Variants in SERPINB2 observed in about 807,000 individuals in gnomAD.
The protein encoded by SERPINB2 is serpin family B member 2.
In SERPINB2, 28 loss-of-function variants were observed where a neutral mutation model predicts 39.4. That is an observed-to-expected ratio of 0.71 (90% CI 0.53 to 0.97). SERPINB2 has a LOEUF of 0.97. SERPINB2 is among the 50% of genes least tolerant of loss of function. The probability of loss-of-function intolerance (pLI) is 0.00; values close to 1 mark genes in which losing one functional copy is unlikely to be tolerated. For missense variants in SERPINB2, 557 were observed against 505.3 expected (o/e 1.10, Z -0.98); for synonymous variants, 209 against 175.1 (o/e 1.19, Z -1.53).
In SERPINB2 at chr18:63,897,761, C is replaced by G. The variant is rs147169778; in HGVS notation, c.452C>G (p.Ser151Ter). The change falls in exon 5 of 8, where the codon TCA becomes TGA. Residue 151 changes from serine to a stop codon, truncating the protein, a stop_gained. Coordinates refer to ENST00000299502, the MANE Select transcript of SERPINB2 (RefSeq NM_002575.3). LOFTEE classifies it high-confidence loss of function. ...YIRLCQKYYS[S>*]EPQAVDFLEC... The stretch of plus-strand genomic sequence containing the variant: ...CGACTCTGTCAGAAATATTACTCCT[C>G]AGAACCCCAGGCAGTAGACTTCCTA... The G allele has an allele frequency of 1.9e-6, 3 of 1,612,792 alleles. No homozygotes were observed. The highest frequency in any genetic ancestry group is 1.7e-5 in the Admixed American group (1 of 59,982).
chr18:63,891,053 T>C (rs1360573604), intron 1 of SERPINB2, among the ~76,000 whole-genome samples: 3 of 152,188 alleles, frequency 2.0e-5, no homozygotes, highest in African/African-American at 7.2e-5. Flanking sequence ...TTCCTACTCC[T>C]GTCCCTATAT....
chr18:63,903,279 T>C lies in SERPINB2; in HGVS notation c.1222T>C (p.Phe408Leu). ...IMHKITNCIL[F>L]FGRFSSP ...GCATAAGATAACCAACTGCATTTTA[T>C]TTTTCGGCAGATTTTCCTCACCCTA... Residue 408 changes from phenylalanine (F) to leucine (L), a missense_variant, in exon 8 of 8, where the codon TTT becomes CTT. Coordinates refer to ENST00000299502, the MANE Select transcript of SERPINB2 (RefSeq NM_002575.3). The C allele has an allele frequency of 1.3e-6, 2 of 1,535,326 alleles. No homozygotes were observed. The highest frequency in any genetic ancestry group is 1.8e-6 in the Non-Finnish European group (2 of 1,142,446).
At chr18:63,902,149 A>C (rs1015416) in intron 6 of SERPINB2, among the ~76,000 whole-genome samples, 56,723 of 152,062 alleles carry the variant, frequency 0.37, 13,485 homozygotes, top group African/African-American at 0.66. Context: ...GCCCATAGTA[A>C]GAACTAAACA....
chr18:63,902,971 T>C lies in SERPINB2; in HGVS notation c.914T>C (p.Val305Ala). Residue 305 changes from valine (V) to alanine (A), a missense_variant, in exon 8 of 8, where the codon GTT (valine) becomes GCT (alanine). Coordinates refer to ENST00000299502, the MANE Select transcript of SERPINB2 (RefSeq NM_002575.3). Reference sequence around the variant, plus strand: ...AAAGACAAAATGGCTGAAGATGAAGTTGAGGTATACATACCCCAGTTCAAA... The same window carrying C: ...AAAGACAAAATGGCTGAAGATGAAGCTGAGGTATACATACCCCAGTTCAAA... Reference protein sequence around the residue: ...TSKDKMAEDEVEVYIPQFKLE... With the variant: ...TSKDKMAEDEAEVYIPQFKLE... 6.2e-7 allele frequency: 1 copy of C among 1,613,736 alleles called. No individual in the cohort carries two copies. Among genetic ancestry groups the C allele is most frequent in the Non-Finnish European group, 8.5e-7 (1 of 1,179,768 alleles).
chr18:63,891,284 T>C (rs1345132940), intron 1 of SERPINB2, among the ~76,000 whole-genome samples, 152 bp from the exon 2 acceptor site: 1 of 152,190 alleles, frequency 6.6e-6, no homozygotes, highest in Non-Finnish European at 1.5e-5. Context: ...TCCATGAAGC[T>C]GTCCCTGACC....
At chr18:63,898,011 G>A (rs1035709564) in intron 5 of SERPINB2, among the ~76,000 whole-genome samples, 167 bp downstream of exon 5, 3 of 152,208 alleles carry the variant, frequency 2.0e-5, no homozygotes, top group Non-Finnish European at 4.4e-5. Flanking sequence ...TGTTTTAACT[G>A]AGAAGAAATA....
chr18:63,903,196 G>C lies in SERPINB2; in HGVS notation c.1139G>C (p.Arg380Thr), dbSNP rs868809339. 4 of 1,613,504 alleles carry C rather than the reference G, an allele frequency of 2.5e-6. No individual in the cohort carries two copies. Among genetic ancestry groups the C allele is most frequent in the Non-Finnish European group, 1.7e-6 (2 of 1,179,682 alleles). Residue 380 changes from arginine to threonine, a missense_variant, in exon 8 of 8, where the codon AGA (arginine) becomes ACA (threonine). Coordinates refer to ENST00000299502, the MANE Select transcript of SERPINB2 (RefSeq NM_002575.3). ...AAGTGGVMTG[R>T]TGHGGPQFVA... ...GGCACAGGAGGTGTTATGACAGGGA[G>C]AACTGGACATGGAGGCCCACAGTTT... is the stretch of plus-strand genomic sequence containing the variant.
rs6105 is a variant in SERPINB2 at position 63,897,828 on chromosome 18, C to G, written c.519C>G (p.Val173=). ...EEARKKINSW[V]KTQTKGKIPN... ...CTAGAAAAAAGATTAATTCCTGGGT[C>G]AAGACTCAAACCAAAGGTAAATCCA... The change falls in exon 5 of 8, where the codon GTC becomes GTG. Residue 173 remains valine (V), a synonymous_variant. Transcript: ENST00000299502. 0.041 allele frequency: 65,951 copies of G among 1,600,510 alleles called. 1,676 individuals are homozygous for G. The highest frequency in any genetic ancestry group is 0.092 in the South Asian group (8,311 of 90,240).
chr18:63,897,776 T>TAG lies in SERPINB2; in HGVS notation c.469_470dup (p.Asp157GlufsTer4), dbSNP rs1200348782. 6.2e-7 allele frequency: 1 copy of TAG among 1,613,588 alleles called. No individual in the cohort carries two copies. Among genetic ancestry groups the TAG allele is most frequent in the South Asian group, 1.1e-5 (1 of 91,054 alleles). On this transcript the variant is annotated frameshift_variant, in exon 5 of 8. Coordinates refer to ENST00000299502, the MANE Select transcript of SERPINB2 (RefSeq NM_002575.3). LOFTEE classifies it high-confidence loss of function. The stretch of plus-strand genomic sequence containing the variant: ...TATTACTCCTCAGAACCCCAGGCAG[T>TAG]AGACTTCCTAGAATGTGCAGAAGAA...
intron 2 of SERPINB2, among the ~76,000 whole-genome samples, 176 bp from the exon 3 acceptor site, chr18:63,895,088 G>A (rs141835206): frequency 4.8e-4 from 73 of 152,240 alleles, no homozygotes; most frequent in African/African-American, 1.7e-3. Flanking sequence ...GGAAATTTAG[G>A]TTGGCTGATA....
At chr18:63,894,633 C>T (rs2049947371) in intron 2 of SERPINB2, among the ~76,000 whole-genome samples, 1 of 152,164 alleles carries the variant, frequency 6.6e-6, no homozygotes, top group African/African-American at 2.4e-5. Flanking sequence ...TCAGAGGGGA[C>T]AGTCCTTGCT....
At chr18:63,895,514 A>G in intron 3 of SERPINB2, 131 bp downstream of exon 3, 1 of 1,135,882 alleles carries the variant, frequency 8.8e-7, no homozygotes, top group Non-Finnish European at 1.3e-6. Context: ...ACTAAGACTC[A>G]GAGTCATTAA....
chr18:63,897,279 A>C (rs2278180), intron 4 of SERPINB2, 60 bp downstream of exon 4: 1 of 1,571,392 alleles, frequency 6.4e-7, no homozygotes, highest in African/African-American at 1.4e-5. Context: ...GTCACTTTCA[A>C]AGCAGTTCTC....
chr18:63,893,482 G>T (rs2049940010), intron 2 of SERPINB2, among the ~76,000 whole-genome samples: 2 of 151,146 alleles, frequency 1.3e-5, no homozygotes, highest in South Asian at 2.1e-4. Context: ...CAACTCTGTT[G>T]CATGTGTAGA....
chr18:63,891,416 C>T lies in SERPINB2; in HGVS notation c.-9-20C>T, dbSNP rs1423888771. 5 of 1,608,790 alleles carry T rather than the reference C, an allele frequency of 3.1e-6. No individual in the cohort carries two copies. Among genetic ancestry groups the T allele is most frequent in the Admixed American group, 3.4e-5 (2 of 59,034 alleles). On this transcript the variant is annotated intron_variant, in intron 1 of 7. Coordinates refer to ENST00000299502, the MANE Select transcript of SERPINB2 (RefSeq NM_002575.3). ...CCTTATGTTTCAGAGCTGTTTTTTT[C>T]TTCCTCTCTTTGCTTCTAGATTGAA...
chr18:63,903,573 T>G lies in SERPINB2; in HGVS notation c.*268T>G. The G allele has an allele frequency of 4.3e-6, 1 of 231,034 alleles. No individual in the cohort carries two copies. Among genetic ancestry groups the G allele is most frequent in the South Asian group, 1.8e-4 (1 of 5,628 alleles). 14.3% of individuals were successfully genotyped at this position (231,034 alleles called of 1,614,324 possible). Reference sequence around the variant, plus strand: ...TCAGTTTATTTTTATAACATTAACTTTTACTTTGTTATTTATTATTTTATA... The same window carrying G: ...TCAGTTTATTTTTATAACATTAACTGTTACTTTGTTATTTATTATTTTATA... On this transcript the variant is annotated 3_prime_UTR_variant, in exon 8 of 8. Coordinates refer to ENST00000299502, the MANE Select transcript of SERPINB2 (RefSeq NM_002575.3).
Position 63,895,375 on chromosome 18 carries a change from A to AT in SERPINB2, c.284dup (p.Leu95PhefsTer8). The AT allele has an allele frequency of 6.2e-7, 1 of 1,613,946 alleles. No homozygotes were observed. Among genetic ancestry groups the AT allele is most frequent in the Non-Finnish European group, 8.5e-7 (1 of 1,179,958 alleles). ...CCAGAAGGGTAGTTATCCTGATGCG[A>AT]TTTTGCAGGTATCTGACTTACTGGT... On this transcript the variant is annotated frameshift_variant, in exon 3 of 8. Coordinates refer to ENST00000299502, the MANE Select transcript of SERPINB2 (RefSeq NM_002575.3). LOFTEE classifies it high-confidence loss of function.
At chr18:63,890,689 G>A (rs1412567813) in intron 1 of SERPINB2, 1 of 152,442 alleles carries the variant, frequency 6.6e-6, no homozygotes, top group Non-Finnish European at 1.5e-5. Context: ...CTGGTGGGGT[G>A]GCAGAAGAAG....
At chr18:63,902,610 C>G in intron 7 of SERPINB2, 42 bp downstream of exon 7, 6 of 1,514,964 alleles carry the variant, frequency 4.0e-6, no homozygotes, top group Non-Finnish European at 4.5e-6. Context: ...CTATACCTAC[C>G]TTTCGTGAGA....
Sources: gnomAD v4.1 joint callset for allele counts (sites outside exome capture counted in the v4.1 genomes callset) on GRCh38, gnomAD v4.1.1 for gene constraint, MANE v1.5 for transcripts, NCBI Gene and HGNC (gene_info 2026-07-23, HGNC 2026-07-21) for gene names.